AGGF1: variants seen among roughly 807,000 people sequenced by gnomAD.
AGGF1 encodes the protein angiogenic factor with G-patch and FHA domains 1.
In AGGF1, 56 loss-of-function variants were observed where a neutral mutation model predicts 86.5. That is an observed-to-expected ratio of 0.65 (90% CI 0.52 to 0.81). AGGF1 has a LOEUF of 0.81. Among genes scored for constraint, AGGF1 ranks in the 30% least tolerant of loss-of-function variants. The pLI is 0.00. For missense variants in AGGF1, 816 were observed against 850.9 expected, an observed-to-expected ratio of 0.96 and a Z score of 0.51; for synonymous variants, 313 against 297.1, an observed-to-expected ratio of 1.05 and a Z score of -0.55.
intron 3 of AGGF1, 84 bp from the exon 4 acceptor site, chr5:77,036,470 CAT>C: frequency 7.4e-7 from 1 of 1,357,636 alleles, no homozygotes; most frequent in East Asian, 2.3e-5. Flanking sequence ...GTTACTTAAA[CAT>C]AGTCTCAGGT....
At chr5:77,045,417 C>T (rs146085600) in intron 5 of AGGF1, among the ~76,000 whole-genome samples, 1 of 152,088 alleles carries the variant, frequency 6.6e-6, no homozygotes, top group African/African-American at 2.4e-5. Flanking sequence ...TTCAAAACTT[C>T]ATGTTGTACA....
rs1409599276 is a variant in AGGF1, at chr5:77,055,596, G to A, written c.1716G>A (p.Gln572=). The A allele has an allele frequency of 5.1e-6, 8 of 1,568,438 alleles. No homozygotes were observed. The highest frequency in any genetic ancestry group is 7.0e-6 in the Non-Finnish European group (8 of 1,140,582). Reference sequence around the variant, plus strand: ...AAATACGAGTAAAATATGGTTTACAGGTGAGGATGTTGAATATTGTTTCAT... The same window carrying A: ...AAATACGAGTAAAATATGGTTTACAAGTGAGGATGTTGAATATTGTTTCAT... The part of the protein sequence containing the change: ...LKKIRVKYGL[Q]NTEYEDEKTL... Residue 572 remains glutamine (Q), a splice_region_variant and synonymous_variant, in exon 11 of 14, where the codon CAG becomes CAA. Transcript: ENST00000312916.
In AGGF1 at chr5:77,046,460, T is replaced by G. The variant is rs769215508; in HGVS notation, c.984T>G (p.Asn328Lys). 6.2e-7 allele frequency: 1 copy of G among 1,613,888 alleles called. No individual in the cohort carries two copies. The highest frequency in any genetic ancestry group is 8.5e-7 in the Non-Finnish European group (1 of 1,179,962). Reference protein sequence around the residue: ...KKAKIGIHHKNSPPKVTVPTS... With the variant: ...KKAKIGIHHKKSPPKVTVPTS... Reference sequence around the variant, plus strand: ...CCAAAATAGGCATTCATCACAAAAATAGTCCCCCCAAAGTCACTGTTCCAA... The same window carrying G: ...CCAAAATAGGCATTCATCACAAAAAGAGTCCCCCCAAAGTCACTGTTCCAA... The change falls in exon 6 of 14, where the codon AAT becomes AAG. Residue 328 changes from asparagine (N) to lysine (K), a missense_variant. Around this residue, in one of 3 missense-constraint regions of AGGF1, gnomAD observed 565 missense variants for 585.8 expected, o/e 0.96. Transcript: ENST00000312916.
rs893518925 is a variant in AGGF1, at chr5:77,064,113, C to T, written c.*861C>T. The T allele has an allele frequency of 4.6e-5, 7 of 152,482 alleles. No homozygotes were observed. Among genetic ancestry groups the T allele is most frequent in the East Asian group, 1.9e-4 (1 of 5,192 alleles). The allele number at this position is 152,482 out of a possible 1,614,324, so 9.4% of individuals were successfully genotyped here. ...CATGAAAAAGAGTGATTTTTTGAAC[C>T]GGTGATTTAAATGTATTGATCTGCT... On this transcript the variant is annotated 3_prime_UTR_variant, in exon 14 of 14. Transcript: ENST00000312916.
At chr5:77,032,252 TAAAAAAAAA>T (rs35068401) in intron 1 of AGGF1, among the ~76,000 whole-genome samples, 4 of 107,874 alleles carry the variant, frequency 3.7e-5, no homozygotes, top group South Asian at 3.0e-4. Flanking sequence ...ACAAATATGG[TAAAAAAAAA>T]AAAAAAAAAA....
At chr5:77,046,012 G>A (rs1439015248) in intron 5 of AGGF1, among the ~76,000 whole-genome samples, 1 of 152,232 alleles carries the variant, frequency 6.6e-6, no homozygotes, top group Non-Finnish European at 1.5e-5. Flanking sequence ...CAGGCAGTAT[G>A]TGATGAGGGC....
chr5:77,030,807 C>T lies in AGGF1; in HGVS notation c.41C>T (p.Pro14Leu), dbSNP rs778124262. The T allele has an allele frequency of 4.4e-6, 7 of 1,603,460 alleles. No individual in the cohort carries two copies. Among genetic ancestry groups the T allele is most frequent in the East Asian group, 2.2e-5 (1 of 44,642 alleles). The change falls in exon 1 of 14, where the codon CCG becomes CTG. Residue 14 changes from proline (P) to leucine (L), a missense_variant. Physicochemically the swap from Pro to Leu is moderately conservative, Grantham distance 98. Around this residue, in one of 3 missense-constraint regions of AGGF1, gnomAD observed 240 missense variants for 234.4 expected, o/e 1.02. Transcript: ENST00000312916. The part of the protein sequence containing the change: ...EAPSPPRSPP[P>L]PTSPEPELAQ... ...CCGTCCCCGCCGCGGTCGCCGCCGC[C>T]GCCCACCTCCCCCGAGCCTGAGCTG...
rs115446849 is a variant in AGGF1, at chr5:77,049,700, C to T, written c.1365+713C>T. On this transcript the variant is annotated intron_variant, in intron 8 of 13. Coordinates refer to ENST00000312916, the MANE Select transcript of AGGF1 (RefSeq NM_018046.5). The stretch of plus-strand genomic sequence containing the variant: ...AGGTAGCTGGGACTACAGGCATACT[C>T]TACCATGCCCAGCTAATCTTTATGT... Among the ~76,000 whole-genome samples the T allele has an allele frequency of 7.1e-4, 108 of 152,180 alleles. No individual in the cohort carries two copies. The East Asian group carries it at 0.013, about 18-fold the overall frequency.
At chr5:77,058,718 G>A (rs763784834) in intron 11 of AGGF1, among the ~76,000 whole-genome samples, 1 of 152,142 alleles carries the variant, frequency 6.6e-6, no homozygotes, top group Non-Finnish European at 1.5e-5. Flanking sequence ...CTCTCTGGAT[G>A]AGTATCATAC....
chr5:77,031,397 A>C (rs1746850579), intron 1 of AGGF1, among the ~76,000 whole-genome samples: 1 of 152,240 alleles, frequency 6.6e-6, no homozygotes, highest in African/African-American at 2.4e-5. Context: ...GATAGCTCAC[A>C]GTAGTAAAGG....
Position 77,032,267 on chromosome 5 carries a change from A to C in AGGF1, c.210+1291A>C, listed in dbSNP as rs1379903865. Among the ~76,000 whole-genome samples, 39 of 150,524 alleles carry C rather than the reference A, an allele frequency of 2.6e-4. 1 individual carries two copies. The highest frequency in any genetic ancestry group is 8.3e-4 in the African/African-American group (34 of 41,144). ...ACAAATATGGTAAAAAAAAAAAAAA[A>C]AAAAAAACAGGGAGAGGTGGCTGGG... On this transcript the variant is annotated intron_variant, in intron 1 of 13. Coordinates refer to ENST00000312916, the MANE Select transcript of AGGF1 (RefSeq NM_018046.5).
chr5:77,032,563 CAAAAAAAA>C (rs4025997), intron 1 of AGGF1, among the ~76,000 whole-genome samples: 5 of 94,194 alleles, frequency 5.3e-5, no homozygotes, highest in South Asian at 4.1e-4. Flanking sequence ...GACTCCGTCT[CAAAAAAAA>C]AAAAAAAAAA....
intron 12 of AGGF1, among the ~76,000 whole-genome samples, chr5:77,060,091 C>T (rs969276078): frequency 6.6e-6 from 1 of 152,202 alleles, no homozygotes; most frequent in Admixed American, 6.5e-5. Context: ...ATCCGCCCAC[C>T]TTGGCCTCCC....
At chr5:77,055,733 T>G in intron 11 of AGGF1, 137 bp downstream of exon 11, 1 of 623,224 alleles carries the variant, frequency 1.6e-6, no homozygotes, top group Non-Finnish European at 2.8e-6. Flanking sequence ...AGTTTACTGT[T>G]CTGGTATTCA....
chr5:77,049,839 C>T (rs899639386), intron 8 of AGGF1, among the ~76,000 whole-genome samples: 9 of 152,196 alleles, frequency 5.9e-5, no homozygotes, highest in South Asian at 2.1e-4. Context: ...CGTGAGCCAC[C>T]GCGTCTGGCT....
At chr5:77,051,419 C>T (rs1338703230) in intron 8 of AGGF1, among the ~76,000 whole-genome samples, 5 of 140,920 alleles carry the variant, frequency 3.5e-5, no homozygotes, top group African/African-American at 1.1e-4. Context: ...GGCAACAGAG[C>T]GAGATTCCAT....
At chr5:77,036,257 T>C (rs1380840881) in intron 3 of AGGF1, among the ~76,000 whole-genome samples, 1 of 152,230 alleles carries the variant, frequency 6.6e-6, no homozygotes, top group Non-Finnish European at 1.5e-5. Context: ...CCTAGATCTT[T>C]GTCTTAGCCA....
At chr5:77,038,119 T>C (rs1259156653) in intron 4 of AGGF1, among the ~76,000 whole-genome samples, 1 of 152,210 alleles carries the variant, frequency 6.6e-6, no homozygotes, top group Non-Finnish European at 1.5e-5. Flanking sequence ...AATATCTCAA[T>C]TAACATAAGA....
In AGGF1 at chr5:77,039,732, C is replaced by A. The variant is rs765726424; in HGVS notation, c.870+13C>A. On this transcript the variant is annotated intron_variant, in intron 5 of 13. Transcript: ENST00000312916. ...AAATGAGGAAAAGGTAATGTCTTTACAATTTTAAAAATTGACATAATGGTG... is the reference window on the plus strand; with the variant it reads ...AAATGAGGAAAAGGTAATGTCTTTAAAATTTTAAAAATTGACATAATGGTG... The A allele has an allele frequency of 2.5e-6, 4 of 1,603,674 alleles. No individual in the cohort carries two copies. In the South Asian group the frequency reaches 3.4e-5, roughly 14 times the overall value.
Sources: allele counts gnomAD v4.1 joint callset (sites outside exome capture counted in the v4.1 genomes callset), GRCh38; gene constraint gnomAD v4.1.1; regional missense constraint gnomAD v4.1.1; transcripts MANE v1.5; gene names NCBI Gene and HGNC (gene_info 2026-07-23, HGNC 2026-07-21).